Variants in FGD6 observed in about 807,000 individuals in gnomAD.
FGD6 encodes FYVE, RhoGEF and PH domain-containing protein 6.
A neutral mutation model predicts 149.4 loss-of-function variants in FGD6; 90 were observed. That is an observed-to-expected ratio of 0.60 (90% CI 0.51 to 0.72). The LOEUF (loss-of-function observed/expected upper bound fraction) is 0.72, where lower values mean the gene tolerates loss of function less well. Ranked by LOEUF, FGD6 falls within the 30% of genes least tolerant of loss-of-function variation. The pLI, the probability that FGD6 is intolerant of heterozygous loss-of-function variation, is 0.00. For synonymous variants in FGD6, 527 were observed against 584.0 expected (o/e 0.90, Z 1.41); for missense variants, 1,437 against 1,684.8 (o/e 0.85, Z 2.57).
At chr12:95,106,646 A>G (rs935223284) in intron 13 of FGD6, among the ~76,000 whole-genome samples, 6 of 152,048 alleles carry the variant, frequency 3.9e-5, no homozygotes, top group African/African-American at 1.4e-4. Context: ...ATGTAACCCC[A>G]GCACTTTGGG....
chr12:95,172,878 C>G, intron 2 of FGD6, 134 bp from the exon 3 acceptor site: 1 of 688,486 alleles, frequency 1.5e-6, no homozygotes, highest in Non-Finnish European at 2.1e-6. Flanking sequence ...TGAAAAGACC[C>G]AGATCAGCCA....
chr12:95,183,729 C>G (rs1305656144), intron 2 of FGD6, among the ~76,000 whole-genome samples: 2 of 152,068 alleles, frequency 1.3e-5, no homozygotes, highest in African/African-American at 4.8e-5. Flanking sequence ...TCCCAGCTAC[C>G]TGGGAGGATG....
At chr12:95,186,461 G>A (rs147698898) in intron 2 of FGD6, among the ~76,000 whole-genome samples, 17 of 146,302 alleles carry the variant, frequency 1.2e-4, no homozygotes, top group Non-Finnish European at 2.4e-4. Context: ...GCCTCCCAAA[G>A]TGCTGGGATT....
At chr12:95,114,443 TAC>T (rs60238488) in intron 8 of FGD6, among the ~76,000 whole-genome samples, 9,335 of 125,010 alleles carry the variant, frequency 0.075, 422 homozygotes, top group South Asian at 0.12. Flanking sequence ...CCATCTCTAC[TAC>T]ACACACACAC....
intron 5 of FGD6, among the ~76,000 whole-genome samples, chr12:95,149,045 G>T (rs12368023): frequency 3.5e-4 from 1 of 2,844 alleles, no homozygotes; most frequent in Non-Finnish European, 4.2e-4. Context: ...TATTATATAA[G>T]ATATAGCATA....
intron 8 of FGD6, among the ~76,000 whole-genome samples, chr12:95,131,216 A>G (rs1879512249): frequency 6.6e-6 from 1 of 151,424 alleles, no homozygotes; most frequent in African/African-American, 2.4e-5. Flanking sequence ...GGTTCAAACA[A>G]TTCTGCCTCA....
chr12:95,134,392 C>T (rs1196701462), intron 8 of FGD6, among the ~76,000 whole-genome samples: 3 of 152,126 alleles, frequency 2.0e-5, no homozygotes, highest in Admixed American at 2.0e-4. Context: ...ACTCCACTCT[C>T]GAGTAGTTGG....
chr12:95,187,886 TAC>T (rs1424590426), intron 2 of FGD6, among the ~76,000 whole-genome samples: 1 of 152,188 alleles, frequency 6.6e-6, no homozygotes, highest in Non-Finnish European at 1.5e-5. Context: ...TCAGAATAAC[TAC>T]AGTTTCATGC....
At chr12:95,122,561 G>A (rs750816714) in intron 8 of FGD6, among the ~76,000 whole-genome samples, 5 of 140,118 alleles carry the variant, frequency 3.6e-5, no homozygotes, top group African/African-American at 1.3e-4. Flanking sequence ...TGCGAGAACT[G>A]CTTGAATCCA....
chr12:95,206,762 T>C (rs1289924648), intron 2 of FGD6, among the ~76,000 whole-genome samples: 4 of 151,038 alleles, frequency 2.6e-5, no homozygotes, highest in South Asian at 4.2e-4. Flanking sequence ...GCCTAGGTAC[T>C]AATATTCAGG....
intron 1 of FGD6, among the ~76,000 whole-genome samples, chr12:95,214,271 T>C (rs2056741574): frequency 6.6e-6 from 1 of 152,198 alleles, no homozygotes; most frequent in South Asian, 2.1e-4. Flanking sequence ...TCTTTAAAAA[T>C]AATCACATTC....
chr12:95,150,495 G>A (rs1165770801), intron 5 of FGD6, among the ~76,000 whole-genome samples: 1 of 152,060 alleles, frequency 6.6e-6, no homozygotes, highest in African/African-American at 2.4e-5. Flanking sequence ...GTTCAGGGCA[G>A]AGCAGCAAAT....
chr12:95,109,798 G>A (rs528985406), intron 9 of FGD6, among the ~76,000 whole-genome samples: 25 of 152,238 alleles, frequency 1.6e-4, no homozygotes, highest in Non-Finnish European at 3.5e-4. Context: ...GGAGGTCAAG[G>A]CTGCAGTGAG....
At chr12:95,086,641 G>A (rs1287825374) in intron 18 of FGD6, among the ~76,000 whole-genome samples, 4 of 142,020 alleles carry the variant, frequency 2.8e-5, no homozygotes, top group Non-Finnish European at 4.5e-5. Flanking sequence ...CCAGGTTCAC[G>A]CCATTCTCCT....
intron 3 of FGD6, among the ~76,000 whole-genome samples, chr12:95,167,029 G>C (rs994452329): frequency 2.0e-4 from 31 of 151,848 alleles, no homozygotes; most frequent in Non-Finnish European, 3.7e-4. Context: ...GCTAATTTAT[G>C]TACTTTTAGT....
At chr12:95,148,860 T>C (rs1880139673) in intron 5 of FGD6, among the ~76,000 whole-genome samples, 1 of 88,256 alleles carries the variant, frequency 1.1e-5, no homozygotes, top group African/African-American at 4.8e-5. Flanking sequence ...ATATATATTA[T>C]ATAAGATATA....
At chr12:95,169,891 C>T (rs891657672) in intron 3 of FGD6, among the ~76,000 whole-genome samples, 14 of 151,970 alleles carry the variant, frequency 9.2e-5, no homozygotes, top group Middle Eastern at 3.2e-3. Flanking sequence ...GAGGCTGAGG[C>T]GGGTGGATCA....
Position 95,089,638 on chromosome 12 carries a change from G to A in FGD6, c.3909C>T (p.Ala1303=), listed in dbSNP as rs370934842. 3.0e-5 allele frequency: 49 copies of A among 1,613,878 alleles called. No homozygotes were observed. The highest frequency in any genetic ancestry group is 3.7e-5 in the Non-Finnish European group (44 of 1,179,896). The part of the protein sequence containing the change: ...SPGNHKSPSS[A]LSSVLHSIPS... ...GAATGCTATGTAAGACTGATGATAA[G>A]GCACTTGAAGGAGATTTGTGATTTC... is the stretch of plus-strand genomic sequence containing the variant. Residue 1303 remains alanine (A), a synonymous_variant, in exon 18 of 21, where the codon GCC becomes GCT. Coordinates refer to ENST00000343958, the MANE Select transcript of FGD6 (RefSeq NM_018351.4).
chr12:95,155,136 T>A (rs1284403140), intron 3 of FGD6, among the ~76,000 whole-genome samples: 1 of 152,234 alleles, frequency 6.6e-6, no homozygotes, highest in Non-Finnish European at 1.5e-5. Flanking sequence ...GAAACCCTTT[T>A]ATTTGTTACT....
Sources: allele counts gnomAD v4.1 joint callset (sites outside exome capture counted in the v4.1 genomes callset), GRCh38; gene constraint gnomAD v4.1.1; transcripts MANE v1.5; gene names NCBI Gene and HGNC (gene_info 2026-07-23, HGNC 2026-07-21).